The following IFIH1 variants were observed in gnomAD, a reference collection of about 807,000 sequenced individuals.
IFIH1 encodes interferon induced with helicase C domain 1.
In IFIH1, 125 loss-of-function variants were observed where a neutral mutation model predicts 107.4. The observed-to-expected ratio is 1.16, with a 90% confidence interval of 1.01 to 1.35. The LOEUF is 1.35. IFIH1 is among the 40% of genes most tolerant of loss of function. The pLI, the probability that IFIH1 is intolerant of heterozygous loss-of-function variation, is 0.00. For missense variants in IFIH1, 1,333 were observed against 1,213.7 expected (o/e 1.10, Z -1.46); for synonymous variants, 458 against 413.2 (o/e 1.11, Z -1.31).
intron 5 of IFIH1, among the ~76,000 whole-genome samples, chr2:162,286,513 G>A (rs1299664608): frequency 6.6e-6 from 1 of 151,906 alleles, no homozygotes; most frequent in African/African-American, 2.4e-5. Context: ...CCTGTGACCA[G>A]ATAAGGGAAA....
chr2:162,303,186 C>T (rs1683220556), intron 3 of IFIH1, among the ~76,000 whole-genome samples: 1 of 152,082 alleles, frequency 6.6e-6, no homozygotes, highest in East Asian at 1.9e-4. Context: ...GCAATCTTGG[C>T]TCACTGCAAC....
rs762865950 is a variant in IFIH1 at position 162,276,686 on chromosome 2, C to T, written c.2304+1G>A. ...GAAGTCGTCCAAAAGGATATTTATA[C>T]CTGTGTCATGGGTTTGAACTCACTG... On this transcript the variant is annotated splice_donor_variant, in intron 11 of 15. Transcript: ENST00000649979. LOFTEE classifies it high-confidence loss of function. 3 of 1,605,974 alleles carry T rather than the reference C, an allele frequency of 1.9e-6. No individual in the cohort carries two copies. The highest frequency in any genetic ancestry group is 2.5e-6 in the Non-Finnish European group (3 of 1,177,450).
Position 162,318,207 on chromosome 2 carries a change from T to G in IFIH1, c.101A>C (p.Tyr34Ser). Reference sequence around the variant, plus strand: ...CACCTCTGCAGGCAGAAAGGTCAGGTAGTCCAGCACAGGCTCCACCTGGAT... The same window carrying G: ...CACCTCTGCAGGCAGAAAGGTCAGGGAGTCCAGCACAGGCTCCACCTGGAT... Reference protein sequence around the residue: ...MYIQVEPVLDYLTFLPAEVKE... With the variant: ...MYIQVEPVLDSLTFLPAEVKE... The change falls in exon 1 of 16, where the codon TAC becomes TCC. Residue 34 changes from tyrosine (Y) to serine (S), a missense_variant. Tyr to Ser is a moderately radical substitution (Grantham distance 144). Coordinates refer to ENST00000649979, the MANE Select transcript of IFIH1 (RefSeq NM_022168.4). 1 of 1,614,102 alleles carries G rather than the reference T, an allele frequency of 6.2e-7. No homozygotes were observed. Among genetic ancestry groups the G allele is most frequent in the Non-Finnish European group, 8.5e-7 (1 of 1,180,008 alleles).
intron 13 of IFIH1, among the ~76,000 whole-genome samples, chr2:162,271,109 C>CTATAGA (rs1448226232): frequency 3.9e-5 from 6 of 152,120 alleles, no homozygotes; most frequent in Admixed American, 6.5e-5. Context: ...ATTCTTTCTT[C>CTATAGA]ACTGCATTCC....
chr2:162,305,041 T>C (rs1011494896), intron 3 of IFIH1, among the ~76,000 whole-genome samples: 2 of 152,216 alleles, frequency 1.3e-5, no homozygotes, highest in Admixed American at 1.3e-4. Context: ...TTAATCATAC[T>C]GCATCCAAAT....
intron 5 of IFIH1, among the ~76,000 whole-genome samples, chr2:162,283,196 C>T (rs143304121): frequency 1.7e-3 from 256 of 151,930 alleles, no homozygotes; most frequent in African/African-American, 5.8e-3. Flanking sequence ...AAGCAACAGG[C>T]CCACAGGACC....
rs1414537811 is a variant in IFIH1, at chr2:162,288,264, C to T, written c.966G>A (p.Gly322=). ...QMEVAQPALE[G]KNIIICLPTG... ...TAGGGAGGCAGATGATGATATTCTT[C>T]CCTTCCAAGGCTGGCTGGGCAACTT... Residue 322 remains glycine, a synonymous_variant, in exon 5 of 16, where the codon GGG becomes GGA. Transcript: ENST00000649979. The T allele has an allele frequency of 3.1e-6, 5 of 1,612,700 alleles. No individual in the cohort carries two copies. The highest frequency in any genetic ancestry group is 1.3e-5 in the African/African-American group (1 of 74,792).
At chr2:162,314,396 C>CTTTCTTTCTTTCTTTCTT (rs1382882893) in intron 1 of IFIH1, among the ~76,000 whole-genome samples, 1 of 66,670 alleles carries the variant, frequency 1.5e-5, no homozygotes, top group Admixed American at 1.3e-4. Context: ...CCCTCCCTCC[C>CTTTCTTTCTTTCTTTCTT]TCCTTTCTTT....
In IFIH1 at chr2:162,286,156, T is replaced by C. The variant is rs80311184; in HGVS notation, c.1095+1979A>G. On this transcript the variant is annotated intron_variant, in intron 5 of 15. Transcript: ENST00000649979. The stretch of plus-strand genomic sequence containing the variant: ...ATGATGACAGGTTTAGAAACCATGT[T>C]ATATGGAAAACAGTTAAAGGAACTG... 4.6e-3 allele frequency among the ~76,000 whole-genome samples: 695 copies of C among 152,038 alleles called. 7 individuals carry two copies. Among genetic ancestry groups the C allele is most frequent in the African/African-American group, 0.016 (674 of 41,528 alleles).
intron 12 of IFIH1, 69 bp from the exon 13 acceptor site, chr2:162,272,456 G>T (rs1691061741): frequency 1.5e-6 from 2 of 1,323,084 alleles, no homozygotes; most frequent in Non-Finnish European, 2.1e-6. Flanking sequence ...GTTTTTTCTG[G>T]GAATGATATT....
At position 162,280,491 on chromosome 2, in the gene IFIH1, A is replaced by T. The variant is rs866517792; in HGVS notation, c.1525-379T>A. 2.6e-4 allele frequency among the ~76,000 whole-genome samples: 39 copies of T among 152,146 alleles called. No homozygotes were observed. The South Asian group carries it at 3.7e-3, about 15-fold the overall frequency. On this transcript the variant is annotated intron_variant, in intron 7 of 15. Coordinates refer to ENST00000649979, the MANE Select transcript of IFIH1 (RefSeq NM_022168.4). ...ATTGACAGAGAATGATTTTGAGATA[A>T]CCATGTTACATGAGGCATATCAAAG...
intron 1 of IFIH1, among the ~76,000 whole-genome samples, chr2:162,313,761 A>C (rs573163560): frequency 6.6e-6 from 1 of 152,344 alleles, no homozygotes; most frequent in South Asian, 2.1e-4. Flanking sequence ...ACAAAAAGTT[A>C]ATGTCTTAAC....
intron 2 of IFIH1, among the ~76,000 whole-genome samples, chr2:162,308,233 C>T (rs1467759377): frequency 6.6e-6 from 1 of 152,154 alleles, no homozygotes; most frequent in Non-Finnish European, 1.5e-5. Context: ...GGACTCTCTC[C>T]TTGATTTGCA....
intron 3 of IFIH1, among the ~76,000 whole-genome samples, chr2:162,304,392 G>T (rs112789757): frequency 6.6e-6 from 1 of 152,144 alleles, no homozygotes; most frequent in Non-Finnish European, 1.5e-5. Context: ...CGCCTGGGAG[G>T]TCAAGGCTGC....
Position 162,318,248 on chromosome 2 carries a change from GGCCCTGAAGCACGAGATGAGATA to G in IFIH1, c.37_59del (p.Tyr13GlnfsTer40). 6.2e-7 allele frequency: 1 copy of G among 1,614,138 alleles called. No homozygotes were observed. ...CCACCTGGATGTACATTTTCACCCT[GGCCCTGAAGCACGAGATGAGATA>G]GCGGAAATTCTCGTCTGTGGAATAC... On this transcript the variant is annotated frameshift_variant, in exon 1 of 16. Coordinates refer to ENST00000649979, the MANE Select transcript of IFIH1 (RefSeq NM_022168.4). LOFTEE classifies it high-confidence loss of function.
chr2:162,308,680 G>T (rs1683333875), intron 2 of IFIH1, among the ~76,000 whole-genome samples: 1 of 152,016 alleles, frequency 6.6e-6, no homozygotes, highest in Non-Finnish European at 1.5e-5. Flanking sequence ...GCTTGGCCTG[G>T]CTCATTTAAT....
chr2:162,298,563 T>A (rs534973716), intron 3 of IFIH1, among the ~76,000 whole-genome samples: 1 of 152,034 alleles, frequency 6.6e-6, no homozygotes, highest in African/African-American at 2.4e-5. Context: ...AGTTTCATAA[T>A]CCTCACGCCT....
chr2:162,297,029 TTCATAGAAATA>T (rs1465252732), intron 3 of IFIH1, among the ~76,000 whole-genome samples: 2 of 152,014 alleles, frequency 1.3e-5, no homozygotes, highest in Non-Finnish European at 2.9e-5. Flanking sequence ...CGTTTTTGCT[TTCATAGAAATA>T]TAAGTAAAAT....
Position 162,293,676 on chromosome 2 carries a change from G to T in IFIH1, c.770-8C>A. On this transcript the variant is annotated splice_region_variant and splice_polypyrimidine_tract_variant and intron_variant, in intron 3 of 15. Transcript: ENST00000649979. ...CCAAACTTGTGTCTGATTCTGCAAA[G>T]GAAAACATTTTAAAATATTTTTAAA... 6.4e-7 allele frequency: 1 copy of T among 1,572,260 alleles called. No individual in the cohort carries two copies. Among genetic ancestry groups the T allele is most frequent in the Non-Finnish European group, 8.7e-7 (1 of 1,144,884 alleles).
Sources: allele counts gnomAD v4.1 joint callset (sites outside exome capture counted in the v4.1 genomes callset), GRCh38; gene constraint gnomAD v4.1.1; transcripts MANE v1.5; gene names NCBI Gene and HGNC (gene_info 2026-07-23, HGNC 2026-07-21).